CTNNA2: variants seen among roughly 807,000 people sequenced by gnomAD.
CTNNA2 encodes catenin alpha-2.
A neutral mutation model predicts 101.0 loss-of-function variants in CTNNA2; 42 were observed. The ratio of observed to expected loss-of-function variants is 0.42; its 90% confidence interval spans 0.32 to 0.54. The LOEUF (loss-of-function observed/expected upper bound fraction) is 0.54. CTNNA2 is among the 20% of genes least tolerant of loss of function. The pLI, the probability that CTNNA2 is intolerant of heterozygous loss-of-function variation, is 0.14. For missense variants in CTNNA2, 871 were observed against 1,223.1 expected (o/e 0.71, Z 4.29); for synonymous variants, 450 against 456.4 (o/e 0.99, Z 0.18).
chr2:80,368,494 A>ATT (rs144329940), intron 7 of CTNNA2, among the ~76,000 whole-genome samples: 3 of 149,468 alleles, frequency 2.0e-5, no homozygotes, highest in Admixed American at 6.7e-5. Flanking sequence ...CACAGATGCC[A>ATT]TTTTTTTTTT....
chr2:79,413,865 TTTGAG>T (rs1678445910), intron 4 of CTNNA2, among the ~76,000 whole-genome samples: 1 of 148,452 alleles, frequency 6.7e-6, no homozygotes, highest in Admixed American at 6.8e-5. Context: ...GTATGTCTTT[TTTGAG>T]AAATCTCTAT....
At chr2:79,987,140 C>T (rs1329845068) in intron 7 of CTNNA2, among the ~76,000 whole-genome samples, 1 of 152,166 alleles carries the variant, frequency 6.6e-6, no homozygotes, top group East Asian at 1.9e-4. Context: ...CACAATTCTC[C>T]AGGAAGGTCA....
intron 1 of CTNNA2, among the ~76,000 whole-genome samples, chr2:79,518,716 A>G (rs890473787): frequency 2.0e-5 from 3 of 152,194 alleles, no homozygotes; most frequent in Admixed American, 1.3e-4. Flanking sequence ...AATATCATCA[A>G]TCTATCTTTC....
At chr2:80,634,746 G>T (rs1311272388) in intron 18 of CTNNA2, among the ~76,000 whole-genome samples, 2 of 152,122 alleles carry the variant, frequency 1.3e-5, no homozygotes, top group Non-Finnish European at 2.9e-5. Context: ...GAGTGAAGAA[G>T]ATGAAAAGAG....
At chr2:80,570,671 C>A (rs1694505024) in intron 12 of CTNNA2, among the ~76,000 whole-genome samples, 1 of 152,088 alleles carries the variant, frequency 6.6e-6, no homozygotes, top group Non-Finnish European at 1.5e-5. Flanking sequence ...CTCTGAGCCT[C>A]TATTTTAAAA....
chr2:79,996,410 G>A (rs531909270), intron 7 of CTNNA2, among the ~76,000 whole-genome samples: 1 of 152,248 alleles, frequency 6.6e-6, no homozygotes, highest in South Asian at 2.1e-4. Context: ...TCTGATTTGA[G>A]ATCCATGAGA....
intron 18 of CTNNA2, among the ~76,000 whole-genome samples, chr2:80,642,939 G>A (rs1673650692): frequency 6.6e-6 from 1 of 152,088 alleles, no homozygotes; most frequent in Non-Finnish European, 1.5e-5. Context: ...GTGGTATTAA[G>A]AAGAGTAGGA....
At chr2:80,149,554 C>A (rs551613332) in intron 7 of CTNNA2, among the ~76,000 whole-genome samples, 137 of 152,272 alleles carry the variant, frequency 9.0e-4, no homozygotes, top group African/African-American at 3.2e-3. Context: ...ATGTCCCCAG[C>A]CCTTGTAGTG....
intron 3 of CTNNA2, among the ~76,000 whole-genome samples, chr2:79,337,160 G>T (rs1228573376): frequency 6.6e-6 from 1 of 152,102 alleles, no homozygotes; most frequent in Non-Finnish European, 1.5e-5. Flanking sequence ...CTCTCACAAA[G>T]GAGATTTCTC....
At chr2:80,512,652 ATATGGCTATAAAT>A (rs1688797360) in intron 9 of CTNNA2, among the ~76,000 whole-genome samples, 1 of 145,592 alleles carries the variant, frequency 6.9e-6, no homozygotes, top group Non-Finnish European at 1.5e-5. Context: ...TGGAAAATAT[ATATGGCTATAAAT>A]ATTTTTAAAT....
At chr2:79,220,186 A>ATG (rs757882159) in intron 2 of CTNNA2, among the ~76,000 whole-genome samples, 3,539 of 151,002 alleles carry the variant, frequency 0.023, 136 homozygotes, top group East Asian at 0.15. Context: ...GTATATATAT[A>ATG]TGTGTGTGTG....
intron 7 of CTNNA2, among the ~76,000 whole-genome samples, chr2:80,310,454 T>G (rs1677459876): frequency 6.6e-6 from 1 of 152,156 alleles, no homozygotes; most frequent in African/African-American, 2.4e-5. Context: ...AAGACTTTGA[T>G]TGCAGTCTTC....
intron 7 of CTNNA2, among the ~76,000 whole-genome samples, chr2:80,171,582 G>A (rs1375357020): frequency 6.6e-6 from 1 of 152,146 alleles, no homozygotes; most frequent in Non-Finnish European, 1.5e-5. Flanking sequence ...CTAGGCTAGC[G>A]AGTCTCATGC....
chr2:79,855,674 C>T (rs1448406104), intron 3 of CTNNA2, among the ~76,000 whole-genome samples: 1 of 152,166 alleles, frequency 6.6e-6, no homozygotes, highest in Non-Finnish European at 1.5e-5. Context: ...TACTTTTAAC[C>T]ATGCTAGGGC....
chr2:79,380,022 T>C (rs1453933995), intron 4 of CTNNA2, among the ~76,000 whole-genome samples: 1 of 152,126 alleles, frequency 6.6e-6, no homozygotes, highest in Non-Finnish European at 1.5e-5. Context: ...TCTGTTAATG[T>C]TGTTTATAAG....
rs562241676 is a variant in CTNNA2, at chr2:79,248,146, G to C, written c.-406+50070G>C. ...AATCTGTCTCAGAAATACTGTCTCA[G>C]AGCCTTGCTTTTACCATTTGTAATT... On this transcript the variant is annotated intron_variant, in intron 2 of 21. Transcript: ENST00000466387. 7.9e-5 allele frequency among the ~76,000 whole-genome samples: 12 copies of C among 152,230 alleles called. No individual in the cohort carries two copies. The South Asian group carries it at 2.5e-3, about 32-fold the overall frequency.
intron 16 of CTNNA2, among the ~76,000 whole-genome samples, chr2:80,604,529 T>G (rs1697838985): frequency 6.6e-6 from 1 of 152,028 alleles, no homozygotes; most frequent in Admixed American, 6.6e-5. Flanking sequence ...GTTTTTAAAT[T>G]TTCATTGTTA....
chr2:79,583,969 C>T (rs1235585111), intron 1 of CTNNA2, among the ~76,000 whole-genome samples: 1 of 152,064 alleles, frequency 6.6e-6, no homozygotes, highest in Non-Finnish European at 1.5e-5. Context: ...GCTTGTAACA[C>T]TTGGTTATAT....
intron 7 of CTNNA2, among the ~76,000 whole-genome samples, chr2:79,926,913 T>C (rs1687058001): frequency 1.3e-5 from 2 of 152,030 alleles, no homozygotes; most frequent in Admixed American, 1.3e-4. Flanking sequence ...AATAGGTAGA[T>C]ATGAGTTAGG....
Sources: gnomAD v4.1 joint callset for allele counts (sites outside exome capture counted in the v4.1 genomes callset) on GRCh38, gnomAD v4.1.1 for gene constraint, MANE v1.5 for transcripts, NCBI Gene and HGNC (gene_info 2026-07-23, HGNC 2026-07-21) for gene names.